Variants in SMIM14 observed in about 807,000 individuals in gnomAD.
The protein encoded by SMIM14 is chromosome 4 open reading frame 34.
In SMIM14, 5 loss-of-function variants were observed where a neutral mutation model predicts 12.6. The observed-to-expected ratio is 0.40, with a 90% CI of 0.21 to 0.83. The LOEUF (loss-of-function observed/expected upper bound fraction) is 0.83, where lower values mean the gene tolerates loss of function less well. SMIM14 is among the 40% of genes least tolerant of loss of function. SMIM14 has a pLI of 0.37. For synonymous variants in SMIM14, 30 were observed against 40.1 expected (o/e 0.75, Z 0.95); for missense variants, 86 against 119.1 (o/e 0.72, Z 1.29).
At chr4:39,608,765 T>C (rs1303642909) in intron 1 of SMIM14, among the ~76,000 whole-genome samples, 2 of 152,208 alleles carry the variant, frequency 1.3e-5, no homozygotes, top group Non-Finnish European at 2.9e-5. Context: ...AACTGTACAC[T>C]TTAAAAATGG....
rs1711670068 is a variant in SMIM14, at chr4:39,550,934, G to T, written c.*1192C>A. The stretch of plus-strand genomic sequence containing the variant: ...TTCTTCTTTTTTTTTTTTTGAGAGG[G>T]AGTCTCGCTCTATTGCTTAGGCTGG... On this transcript the variant is annotated 3_prime_UTR_variant, in exon 5 of 5. Transcript: ENST00000295958. The T allele has an allele frequency of 6.6e-6, 1 of 151,278 alleles. No homozygotes were observed. The highest frequency in any genetic ancestry group is 2.4e-5 in the African/African-American group (1 of 41,124). 9.4% of individuals were successfully genotyped at this position (151,278 alleles called of 1,614,324 possible).
At position 39,581,518 on chromosome 4, in the gene SMIM14, C is replaced by CTTTTTTTTTTTTTTTTTTTT. The variant is rs1432369898; in HGVS notation, c.76-9056_76-9055insAAAAAAAAAAAAAAAAAAAA. On this transcript the variant is annotated intron_variant, in intron 2 of 4. Coordinates refer to ENST00000295958, the MANE Select transcript of SMIM14 (RefSeq NM_174921.3). ...TTTTCGTTTTTTTCCTTTTCTTTTT[C>CTTTTTTTTTTTTTTTTTTTT]TTTTTTTTTTTTTTTGAGACAGGGT... Among the ~76,000 whole-genome samples the CTTTTTTTTTTTTTTTTTTTT allele has an allele frequency of 7.4e-4, 98 of 132,054 alleles. 2 individuals are homozygous for CTTTTTTTTTTTTTTTTTTTT. Among genetic ancestry groups the CTTTTTTTTTTTTTTTTTTTT allele is most frequent in the East Asian group, 2.3e-3 (10 of 4,288 alleles). 86.6% of individuals were successfully genotyped at this position (132,054 alleles called of 152,430 possible).
At chr4:39,616,641 T>TTA (rs1553866354) in intron 1 of SMIM14, among the ~76,000 whole-genome samples, 1 of 137,260 alleles carries the variant, frequency 7.3e-6, no homozygotes, top group East Asian at 2.0e-4. Flanking sequence ...TCCTTACATT[T>TTA]AAAAAAAAAA....
intron 3 of SMIM14, among the ~76,000 whole-genome samples, chr4:39,560,038 C>T (rs1384502232): frequency 1.3e-5 from 2 of 151,824 alleles, no homozygotes; most frequent in African/African-American, 4.8e-5. Flanking sequence ...GGGAGGATGG[C>T]TTGAGCCCAG....
intron 2 of SMIM14, among the ~76,000 whole-genome samples, chr4:39,588,224 A>G (rs1713882957): frequency 6.6e-6 from 1 of 152,080 alleles, no homozygotes; most frequent in African/African-American, 2.4e-5. Context: ...TTTGTTATAC[A>G]ATAATAATAA....
chr4:39,606,744 C>G (rs1714827818), intron 1 of SMIM14, among the ~76,000 whole-genome samples: 1 of 152,056 alleles, frequency 6.6e-6, no homozygotes, highest in Non-Finnish European at 1.5e-5. Context: ...GCCCAGTTTA[C>G]TGCCTCGAGG....
At chr4:39,560,847 C>G (rs1712274645) in intron 3 of SMIM14, among the ~76,000 whole-genome samples, 1 of 151,778 alleles carries the variant, frequency 6.6e-6, no homozygotes, top group South Asian at 2.1e-4. Context: ...TGTATTTAAT[C>G]CATCATGAAG....
chr4:39,628,619 T>C lies in SMIM14; in HGVS notation c.-36+10120A>G, dbSNP rs191261298. On this transcript the variant is annotated intron_variant, in intron 1 of 4. Transcript: ENST00000295958. ...ATCGCTTGAACCTGGTAGGAGGAGGTTGCAGTGAGACGAGATCACACTACT... is the reference window on the plus strand; with the variant it reads ...ATCGCTTGAACCTGGTAGGAGGAGGCTGCAGTGAGACGAGATCACACTACT... Among the ~76,000 whole-genome samples, 835 of 148,986 alleles carry C rather than the reference T, an allele frequency of 5.6e-3. 13 individuals carry two copies. Among genetic ancestry groups the C allele is most frequent in the African/African-American group, 0.019 (776 of 40,466 alleles).
At chr4:39,604,276 C>T (rs767291153) in intron 2 of SMIM14, among the ~76,000 whole-genome samples, 3 of 152,076 alleles carry the variant, frequency 2.0e-5, no homozygotes, top group Non-Finnish European at 4.4e-5. Flanking sequence ...GTGGATCACA[C>T]CTGCATTCCC....
At position 39,576,660 on chromosome 4, in the gene SMIM14, G is replaced by GTATATATATATATATA. The variant is rs1298743756; in HGVS notation, c.76-4213_76-4198dup. ...CTTATACCTATGTGTGTGTGTATGT[G>GTATATATATATATATA]TATATATATATATATATATATATAT... On this transcript the variant is annotated intron_variant, in intron 2 of 4. Transcript: ENST00000295958. Among the ~76,000 whole-genome samples, 13 of 72,376 alleles carry GTATATATATATATATA rather than the reference G, an allele frequency of 1.8e-4. 1 individual carries two copies. Among genetic ancestry groups the GTATATATATATATATA allele is most frequent in the African/African-American group, 6.6e-4 (11 of 16,586 alleles). 47.5% of individuals were successfully genotyped at this position (72,376 alleles called of 152,430 possible).
At chr4:39,587,033 CT>C (rs1174901279) in intron 2 of SMIM14, among the ~76,000 whole-genome samples, 2 of 151,958 alleles carry the variant, frequency 1.3e-5, no homozygotes, top group Admixed American at 1.3e-4. Context: ...AACTCATTAC[CT>C]TCCAAAGGTC....
chr4:39,638,162 C>T (rs578111666), intron 1 of SMIM14: 1 of 152,358 alleles, frequency 6.6e-6, no homozygotes, highest in East Asian at 1.9e-4. Context: ...GGTGCTGCTA[C>T]CTCTTTACTG....
chr4:39,615,856 G>A (rs1246788951), intron 1 of SMIM14, among the ~76,000 whole-genome samples: 2 of 152,096 alleles, frequency 1.3e-5, no homozygotes, highest in Non-Finnish European at 2.9e-5. Context: ...TACAAAGCTT[G>A]TATCCTTAAG....
At chr4:39,557,124 G>C (rs747726433) in intron 3 of SMIM14, among the ~76,000 whole-genome samples, 1 of 149,428 alleles carries the variant, frequency 6.7e-6, no homozygotes, top group Non-Finnish European at 1.5e-5. Flanking sequence ...AAGCAATTCT[G>C]CCTCAGCCTC....
chr4:39,638,432 G>A (rs1301966695), intron 1 of SMIM14: 3 of 983,140 alleles, frequency 3.1e-6, no homozygotes, highest in Non-Finnish European at 3.6e-6. Flanking sequence ...GCCTCCACCC[G>A]TCGACAATCT....
intron 4 of SMIM14, among the ~76,000 whole-genome samples, chr4:39,553,049 C>G (rs1262228863): frequency 6.6e-6 from 1 of 151,184 alleles, no homozygotes; most frequent in African/African-American, 2.4e-5. Flanking sequence ...GCATTTCTGT[C>G]ATTTTAATAG....
Position 39,625,682 on chromosome 4 carries a change from C to G in SMIM14, c.-36+13057G>C, listed in dbSNP as rs1175051590. Among the ~76,000 whole-genome samples the G allele has an allele frequency of 4.6e-5, 7 of 152,218 alleles. 1 individual carries two copies. Among genetic ancestry groups the G allele is most frequent in the Admixed American group, 4.6e-4 (7 of 15,272 alleles). ...TCTCAAACTCCTGACCTCTGGTGAT[C>G]AGTCTCCCAAAGTGCTGGGATGACA... On this transcript the variant is annotated intron_variant, in intron 1 of 4. Transcript: ENST00000295958.
chr4:39,607,455 A>G (rs1714856442), intron 1 of SMIM14, among the ~76,000 whole-genome samples: 1 of 152,216 alleles, frequency 6.6e-6, no homozygotes, highest in African/African-American at 2.4e-5. Flanking sequence ...TGCTAAGCCT[A>G]TTAGAAATTT....
chr4:39,578,316 G>C (rs1713306436), intron 2 of SMIM14, among the ~76,000 whole-genome samples: 1 of 152,138 alleles, frequency 6.6e-6, no homozygotes, highest in Non-Finnish European at 1.5e-5. Context: ...CCCAACTTGA[G>C]AATCTCACAG....
Sources: gnomAD v4.1 joint callset for allele counts (sites outside exome capture counted in the v4.1 genomes callset) on GRCh38, gnomAD v4.1.1 for gene constraint, MANE v1.5 for transcripts, NCBI Gene and HGNC (gene_info 2026-07-23, HGNC 2026-07-21) for gene names.